Variants in VPS51 observed in about 807,000 individuals in gnomAD.
VPS51 encodes the protein vacuolar protein sorting-associated protein 51 homolog.
Under a neutral mutation model 65.1 loss-of-function variants are expected in VPS51, and 55 were observed. That is an observed-to-expected ratio of 0.84 (90% confidence interval 0.68 to 1.06). VPS51 has a LOEUF of 1.06. Among genes scored for constraint, VPS51 ranks in the 50% least tolerant of loss-of-function variants. The probability of loss-of-function intolerance (pLI) is 0.00; values close to 1 mark genes in which losing one functional copy is unlikely to be tolerated. For missense variants in VPS51, 943 were observed against 1,101.6 expected (o/e 0.86, Z 2.04); for synonymous variants, 473 against 489.5 (o/e 0.97, Z 0.44).
chr11:65,110,225 G>T, intron 7 of VPS51: 1 of 648,230 alleles, frequency 1.5e-6, no homozygotes, highest in Non-Finnish European at 2.6e-6. Flanking sequence ...CAGAGGCTCA[G>T]GGTTACCCAG....
At chr11:65,101,161 G>A (rs772238100) in intron 2 of VPS51, among the ~76,000 whole-genome samples, 2 of 152,140 alleles carry the variant, frequency 1.3e-5, no homozygotes, top group Non-Finnish European at 2.9e-5. Context: ...TTTCTTTAGG[G>A]GATGATGAAA....
intron 5 of VPS51, 117 bp from the exon 6 acceptor site, chr11:65,109,163 A>C: frequency 8.4e-7 from 1 of 1,189,568 alleles, no homozygotes; most frequent in Non-Finnish European, 1.2e-6. Flanking sequence ...CTTAGAATGT[A>C]GGATGATGCT....
At chr11:65,108,131 T>C (rs1377681878) in intron 4 of VPS51, 66 bp from the exon 5 acceptor site, 8 of 1,560,182 alleles carry the variant, frequency 5.1e-6, no homozygotes, top group South Asian at 1.2e-5. Context: ...TGTGCTTTGC[T>C]TTCCTGCTCC....
intron 2 of VPS51, among the ~76,000 whole-genome samples, chr11:65,098,784 G>A (rs529591699): frequency 4.4e-4 from 67 of 152,330 alleles, no homozygotes; most frequent in African/African-American, 1.6e-3. Context: ...TTTTCCATTT[G>A]TTGGAATGTG....
rs1350318501 is a variant in VPS51, at chr11:65,105,808, C to A, written c.359-1773C>A. On this transcript the variant is annotated intron_variant, in intron 2 of 9. Transcript: ENST00000279281. ...GGGTTTCCATAACTCCCTCTTTGGG[C>A]TCAGTTTGCTGGAGTGGCTCACAGA... Among the ~76,000 whole-genome samples the A allele has an allele frequency of 5.3e-5, 8 of 152,340 alleles. No individual in the cohort carries two copies. The South Asian group carries it at 1.7e-3, about 32-fold the overall frequency.
intron 2 of VPS51, among the ~76,000 whole-genome samples, chr11:65,104,010 C>T (rs557489178): frequency 1.6e-4 from 24 of 151,910 alleles, no homozygotes; most frequent in African/African-American, 5.3e-4. Context: ...CTCACTACAA[C>T]TTGTGCCTCC....
At position 65,111,503 on chromosome 11, in the gene VPS51, A is replaced by C. The variant is rs1565319416; in HGVS notation, c.2265A>C (p.Glu755Asp). ...AACTCGTGCACTTGCTGCTGGACGA[A>C]GTGGTGGCCTCTGCTGCCCTGCGCT... is the stretch of plus-strand genomic sequence containing the variant. ...DEELVHLLLD[E>D]VVASAALRCP... is the part of the protein sequence containing the mutation. Residue 755 changes from glutamate (E) to aspartate (D), a missense_variant, in exon 10 of 10, where the codon GAA (glutamate) becomes GAC (aspartate). Coordinates refer to ENST00000279281, the MANE Select transcript of VPS51 (RefSeq NM_013265.4). The C allele has an allele frequency of 2.5e-6, 4 of 1,613,770 alleles. No individual in the cohort carries two copies. The highest frequency in any genetic ancestry group is 2.5e-6 in the Non-Finnish European group (3 of 1,180,042).
chr11:65,100,236 A>G (rs1417359711), intron 2 of VPS51, among the ~76,000 whole-genome samples: 1 of 152,248 alleles, frequency 6.6e-6, no homozygotes, highest in South Asian at 2.1e-4. Flanking sequence ...AGGGCTAAAA[A>G]GACAAATAAC....
intron 1 of VPS51, 40 bp downstream of exon 1, chr11:65,096,518 G>GGGGGGGGGGGGGGGGGGGGGGGGGC: frequency 2.0e-6 from 1 of 499,410 alleles, no homozygotes; most frequent in Non-Finnish European, 3.7e-6. Flanking sequence ...GGGGAGGGGG[G>GGGGGGGGGGGGGGGGGGGGGGGGGC]AAGGGAACCA....
At position 65,107,300 on chromosome 11, in the gene VPS51, C is replaced by T. The variant is rs1376761558; in HGVS notation, c.359-281C>T. The T allele has an allele frequency of 5.1e-6, 3 of 584,382 alleles. No individual in the cohort carries two copies. The highest frequency in any genetic ancestry group is 4.6e-5 in the South Asian group (3 of 65,148). 36.2% of individuals were successfully genotyped at this position (584,382 alleles called of 1,614,324 possible). A position where few individuals can be genotyped will look rare whatever the true frequency, so the allele number is the denominator to read the frequency against. ...GTGGCAGCTGGCTAAGCACCTGCGG[C>T]CTGCTTCGGATCTGGACTAATTCTG... On this transcript the variant is annotated intron_variant, in intron 2 of 9. Coordinates refer to ENST00000279281, the MANE Select transcript of VPS51 (RefSeq NM_013265.4). The surrounding 1 kb of genome is among the most constrained non-coding windows in gnomAD (Gnocchi z 4.0).
chr11:65,098,091 G>A (rs546551933), intron 2 of VPS51, among the ~76,000 whole-genome samples: 30 of 152,182 alleles, frequency 2.0e-4, no homozygotes, highest in Middle Eastern at 3.4e-3. Context: ...CTGAGTGGGA[G>A]AATCACTTGA....
rs1446043077 is a variant in VPS51, at chr11:65,109,915, G to A, written c.1870G>A (p.Asp624Asn). ...GGTGGTGGAGGATACCACCGCCATC[G>A]ACGTGCAGGTGCTGCCCAGGCTGGC... The part of the protein sequence containing the change: ...KRVVEDTTAI[D>N]VQVGLLYEEG... The change falls in exon 7 of 10, where the codon GAC (aspartate) becomes AAC (asparagine). Residue 624 changes from aspartate (D) to asparagine (N), a missense_variant. Asp to Asn is a conservative substitution (Grantham distance 23, BLOSUM62 1). Around this residue, in one of 2 missense-constraint regions of VPS51, gnomAD observed 855 missense variants for 953.7 expected, o/e 0.90. Transcript: ENST00000279281. 2.5e-6 allele frequency: 4 copies of A among 1,599,604 alleles called. No homozygotes were observed. The highest frequency in any genetic ancestry group is 1.8e-4 in the Middle Eastern group (1 of 5,512).
At chr11:65,106,702 GGTC>G (rs542612271) in intron 2 of VPS51, among the ~76,000 whole-genome samples, 1 of 151,804 alleles carries the variant, frequency 6.6e-6, no homozygotes, top group Non-Finnish European at 1.5e-5. Context: ...AGTGAGCAGA[GGTC>G]GTGCCACTGC....
chr11:65,097,271 T>C, intron 2 of VPS51, 144 bp downstream of exon 2: 1 of 1,280,554 alleles, frequency 7.8e-7, no homozygotes, highest in Non-Finnish European at 1.1e-6. Flanking sequence ...CTCCTTTCCT[T>C]TGAGCCTTCG....
chr11:65,110,829 T>A, intron 9 of VPS51, 48 bp downstream of exon 9: 1 of 1,611,568 alleles, frequency 6.2e-7, no homozygotes, highest in Non-Finnish European at 8.5e-7. Flanking sequence ...CGGGGAGGGT[T>A]GGCTGGAGCA....
rs1158483273 is a variant in VPS51 at position 65,096,475 on chromosome 11, C to T, written c.225C>T (p.Asp75=). ...GAHFDPEVYL[D]KLRRECPLAQ... is the part of the protein sequence containing the mutation. The stretch of plus-strand genomic sequence containing the variant: ...ACTTCGACCCGGAAGTTTACCTAGA[C>T]AAGGTGTGTGCGCACGGGGAGTGGG... Residue 75 remains aspartate (D), a synonymous_variant, in exon 1 of 10, where the codon GAC becomes GAT. Coordinates refer to ENST00000279281, the MANE Select transcript of VPS51 (RefSeq NM_013265.4). 10 of 1,354,302 alleles carry T rather than the reference C, an allele frequency of 7.4e-6. No individual in the cohort carries two copies. Among genetic ancestry groups the T allele is most frequent in the Middle Eastern group, 2.7e-4 (1 of 3,670 alleles). 83.9% of individuals were successfully genotyped at this position (1,354,302 alleles called of 1,614,324 possible).
rs1215111092 is a variant in VPS51 at position 65,100,882 on chromosome 11, G to A, written c.358+3755G>A. 1.3e-5 allele frequency among the ~76,000 whole-genome samples: 2 copies of A among 151,954 alleles called. 1 individual carries two copies. The highest frequency in any genetic ancestry group is 4.8e-5 in the African/African-American group (2 of 41,360). On this transcript the variant is annotated intron_variant, in intron 2 of 9. Transcript: ENST00000279281. ...TTTTTATAATAGCCACAAGGTGGAA[G>A]CAATCCAAATGGCCATCAATTGAAT... is the stretch of plus-strand genomic sequence containing the variant.
rs201701443 is a variant in VPS51 at position 65,107,994 on chromosome 11, C to A, written c.697C>A (p.Leu233Met). Residue 233 changes from leucine (L) to methionine (M), a missense_variant, in exon 4 of 10, where the codon CTG becomes ATG. Physicochemically the swap from Leu to Met is conservative, Grantham distance 15. Around this residue, in one of 2 missense-constraint regions of VPS51, gnomAD observed 855 missense variants for 953.7 expected, o/e 0.90. Transcript: ENST00000279281. The surrounding 1 kb of genome is among the most constrained non-coding windows in gnomAD (Gnocchi z 4.0). ...CGACTGCCAGGTCATCACGGCCCGC[C>A]TGGCCCAGCAGCTGCGGCAGCGCTT... ...QDDCQVITAR[L>M]AQQLRQRFRE... 1.1e-4 allele frequency: 174 copies of A among 1,549,494 alleles called. No homozygotes were observed. The highest frequency in any genetic ancestry group is 3.8e-4 in the Middle Eastern group (2 of 5,238).
At chr11:65,097,989 C>T (rs1273028557) in intron 2 of VPS51, among the ~76,000 whole-genome samples, 1 of 152,102 alleles carries the variant, frequency 6.6e-6, no homozygotes, top group Non-Finnish European at 1.5e-5. Context: ...CGAGACCAGC[C>T]TGGCCAATAT....
Sources: allele counts gnomAD v4.1 joint callset (sites outside exome capture counted in the v4.1 genomes callset), GRCh38; gene constraint gnomAD v4.1.1; regional missense constraint gnomAD v4.1.1; non-coding constraint Gnocchi (gnomAD v3.1); transcripts MANE v1.5; gene names NCBI Gene and HGNC (gene_info 2026-07-23, HGNC 2026-07-21).